Variants in ANKRD6 observed in about 807,000 individuals in gnomAD.
ANKRD6 encodes ankyrin repeat domain-containing protein 6.
In ANKRD6, 56 loss-of-function variants were observed where a neutral mutation model predicts 82.3. That is an observed-to-expected ratio of 0.68 (90% CI 0.55 to 0.85). ANKRD6 has a LOEUF of 0.85. ANKRD6 is among the 40% of genes least tolerant of loss of function. The probability of loss-of-function intolerance (pLI) is 0.00; values close to 1 mark genes in which losing one functional copy is unlikely to be tolerated. For missense variants in ANKRD6, 852 were observed against 907.6 expected (o/e 0.94, Z 0.79); for synonymous variants, 347 against 352.1 (o/e 0.99, Z 0.16).
In ANKRD6 at chr6:89,629,145, A is replaced by T; in HGVS notation, c.1519A>T (p.Met507Leu). 6.2e-7 allele frequency: 1 copy of T among 1,613,430 alleles called. No individual in the cohort carries two copies. The highest frequency in any genetic ancestry group is 8.5e-7 in the Non-Finnish European group (1 of 1,179,772). Residue 507 changes from methionine to leucine, a missense_variant, in exon 15 of 16, where the codon ATG (methionine) becomes TTG (leucine). Transcript: ENST00000339746. ...GGTGGATGAATTAAAAACCTGGTGCATGTTAAAGATTCAGAATCTGGAGCA... is the reference window on the plus strand; with the variant it reads ...GGTGGATGAATTAAAAACCTGGTGCTTGTTAAAGATTCAGAATCTGGAGCA... ...SLVDELKTWC[M>L]LKIQNLEQKL...
In ANKRD6 at chr6:89,630,576, T is replaced by A; in HGVS notation, c.1756T>A (p.Ser586Thr). 1.2e-6 allele frequency: 2 copies of A among 1,613,770 alleles called. No individual in the cohort carries two copies. The highest frequency in any genetic ancestry group is 2.2e-5 in the South Asian group (2 of 91,056). ...GCTGTCGTCTTCTGACTGTACAGGC[T>A]CCCGACTGAGAAACGTCAAGGTCCA... ...QELSSSDCTGSRLRNVKVQTA... is the reference protein window; with the variant it reads ...QELSSSDCTGTRLRNVKVQTA... The change falls in exon 16 of 16, where the codon TCC (serine) becomes ACC (threonine). Residue 586 changes from serine to threonine, a missense_variant. Ser to Thr is a moderately conservative substitution (Grantham distance 58). Transcript: ENST00000339746.
intron 1 of ANKRD6, among the ~76,000 whole-genome samples, chr6:89,506,833 C>T (rs941112185): frequency 6.6e-6 from 1 of 152,202 alleles, no homozygotes; most frequent in Non-Finnish European, 1.5e-5. Context: ...TAGTGTTTAA[C>T]CTTCTGTCCT....
intron 7 of ANKRD6, 69 bp from the exon 8 acceptor site, chr6:89,616,490 G>A (rs1419949800): frequency 6.9e-7 from 1 of 1,458,036 alleles, no homozygotes; most frequent in Non-Finnish European, 9.6e-7. Flanking sequence ...ACCTAGGCCA[G>A]GTAATGAAAA....
intron 1 of ANKRD6, among the ~76,000 whole-genome samples, chr6:89,469,323 GC>G (rs1365636574): frequency 6.6e-5 from 10 of 152,056 alleles, no homozygotes; most frequent in African/African-American, 2.2e-4. Flanking sequence ...TGCCACATTA[GC>G]TTTTTCATTG....
chr6:89,624,789 G>C (rs1038314937), intron 13 of ANKRD6, 98 bp downstream of exon 13: 1 of 1,359,888 alleles, frequency 7.4e-7, no homozygotes, highest in Non-Finnish European at 9.8e-7. Flanking sequence ...CACCCTGGGA[G>C]TGTCCAGTGG....
chr6:89,623,734 T>G, intron 11 of ANKRD6, 138 bp from the exon 12 acceptor site: 2 of 1,254,148 alleles, frequency 1.6e-6, no homozygotes, highest in Non-Finnish European at 2.2e-6. Flanking sequence ...TTTTGACATG[T>G]GTGGCTTGGA....
In ANKRD6 at chr6:89,603,027, A is replaced by G; in HGVS notation, c.220-2A>G. The G allele has an allele frequency of 6.3e-7, 1 of 1,599,826 alleles. No homozygotes were observed. Among genetic ancestry groups the G allele is most frequent in the African/African-American group, 1.3e-5 (1 of 74,756 alleles). On this transcript the variant is annotated splice_acceptor_variant, in intron 3 of 15. Transcript: ENST00000339746. LOFTEE classifies it high-confidence loss of function. ...TGTTCCTGCCTTTGTGTCACTTTGCAGGGGGACCAGACCGCCTTGCACCGG... is the reference window on the plus strand; with the variant it reads ...TGTTCCTGCCTTTGTGTCACTTTGCGGGGGGACCAGACCGCCTTGCACCGG...
intron 2 of ANKRD6, among the ~76,000 whole-genome samples, chr6:89,577,584 G>A (rs1408982674): frequency 6.6e-6 from 1 of 152,142 alleles, no homozygotes; most frequent in African/African-American, 2.4e-5. Flanking sequence ...GAGTCCCCAG[G>A]CAGAGTATCA....
chr6:89,578,211 G>A (rs1024264683), intron 2 of ANKRD6, among the ~76,000 whole-genome samples: 45 of 151,478 alleles, frequency 3.0e-4, no homozygotes, highest in East Asian at 1.9e-4. Flanking sequence ...CCAGGAGAAC[G>A]ACATGGGACA....
chr6:89,516,074 A>G (rs1781178355), intron 1 of ANKRD6, among the ~76,000 whole-genome samples: 1 of 152,134 alleles, frequency 6.6e-6, no homozygotes, highest in Non-Finnish European at 1.5e-5. Flanking sequence ...TGTGAGTGTG[A>G]TGGTTAATTT....
chr6:89,585,195 A>G (rs566802126), intron 2 of ANKRD6, among the ~76,000 whole-genome samples: 2 of 152,338 alleles, frequency 1.3e-5, no homozygotes, highest in Admixed American at 6.5e-5. Flanking sequence ...AAAACCAGAA[A>G]TTGAGGAAAA....
chr6:89,457,079 T>C (rs1207392405), intron 1 of ANKRD6, among the ~76,000 whole-genome samples: 1 of 152,136 alleles, frequency 6.6e-6, no homozygotes, highest in Non-Finnish European at 1.5e-5. Flanking sequence ...ATGGTTGGGA[T>C]GTTGGTGGTG....
At chr6:89,444,453 A>C (rs1771809102) in intron 1 of ANKRD6, among the ~76,000 whole-genome samples, 1 of 152,238 alleles carries the variant, frequency 6.6e-6, no homozygotes, top group African/African-American at 2.4e-5. Flanking sequence ...ACTGTTTTAA[A>C]ACTGAGGTTT....
At chr6:89,618,209 C>G (rs1192385647) in intron 9 of ANKRD6, 178 bp downstream of exon 9, 2 of 739,512 alleles carry the variant, frequency 2.7e-6, no homozygotes. Flanking sequence ...GCATCAAGTC[C>G]AGCTCTTCGT....
chr6:89,446,847 G>T (rs539091563), intron 1 of ANKRD6, among the ~76,000 whole-genome samples: 11 of 152,178 alleles, frequency 7.2e-5, no homozygotes, highest in Non-Finnish European at 1.2e-4. Context: ...GAGTTCTCAC[G>T]AGATTGGATA....
At chr6:89,477,369 C>T (rs1206592113) in intron 1 of ANKRD6, among the ~76,000 whole-genome samples, 1 of 151,986 alleles carries the variant, frequency 6.6e-6, no homozygotes, top group Admixed American at 6.6e-5. Context: ...GGTTTATTAC[C>T]TTCACATATT....
chr6:89,443,274 G>C (rs144055700), intron 1 of ANKRD6, among the ~76,000 whole-genome samples: 5 of 152,050 alleles, frequency 3.3e-5, no homozygotes, highest in African/African-American at 9.7e-5. Context: ...GACCCGGGTG[G>C]GGGTGAAGAG....
intron 5 of ANKRD6, among the ~76,000 whole-genome samples, chr6:89,611,875 A>AATTGATG (rs1448906482): frequency 6.6e-6 from 1 of 152,232 alleles, no homozygotes; most frequent in Admixed American, 6.5e-5. Context: ...AAGTCATCTG[A>AATTGATG]TAGGAATTGA....
At chr6:89,448,080 ATG>A (rs1772330698) in intron 1 of ANKRD6, among the ~76,000 whole-genome samples, 1 of 152,140 alleles carries the variant, frequency 6.6e-6, no homozygotes. Context: ...AATGCAACTG[ATG>A]ACTTTAGTTG....
Sources: gnomAD v4.1 joint callset for allele counts (sites outside exome capture counted in the v4.1 genomes callset) on GRCh38, gnomAD v4.1.1 for gene constraint, MANE v1.5 for transcripts, NCBI Gene and HGNC (gene_info 2026-07-23, HGNC 2026-07-21) for gene names.